SCHIP1: variants seen among roughly 807,000 people sequenced by gnomAD.
SCHIP1 encodes schwannomin interacting protein 1.
A neutral mutation model predicts 29.7 loss-of-function variants in SCHIP1; 8 were observed. That is an observed-to-expected ratio of 0.27 (90% CI 0.16 to 0.49). The LOEUF is 0.49. Among genes scored for constraint, SCHIP1 ranks in the 20% least tolerant of loss-of-function variants. The probability of loss-of-function intolerance (pLI) is 0.99; values close to 1 mark genes in which losing one functional copy is unlikely to be tolerated. For missense variants in SCHIP1, 193 were observed against 294.6 expected (o/e 0.66, Z 2.52); for synonymous variants, 76 against 94.9 (o/e 0.80, Z 1.16).
chr3:159,298,823 T>A, the SCHIP1 span, among the ~76,000 whole-genome samples: 186 of 152,354 alleles, frequency 1.2e-3, no homozygotes, highest in East Asian at 0.019. Context: ...TCAAATTTTT[T>A]AAAATAAACA....
chr3:159,404,572 TG>T, the SCHIP1 span, among the ~76,000 whole-genome samples: 1 of 151,584 alleles, frequency 6.6e-6, no homozygotes, highest in African/African-American at 2.4e-5. Flanking sequence ...GAGGGAAGAG[TG>T]GGAAAGACTT....
chr3:159,677,824 A>G, the SCHIP1 span, among the ~76,000 whole-genome samples: 1 of 152,112 alleles, frequency 6.6e-6, no homozygotes, highest in African/African-American at 2.4e-5. Flanking sequence ...ATGCACATCT[A>G]TAGTTGCTCA....
upstream of SCHIP1, among the ~76,000 whole-genome samples, chr3:159,837,435 A>T (rs1743768124): frequency 6.6e-6 from 1 of 152,184 alleles, no homozygotes; most frequent in South Asian, 2.1e-4. Context: ...AGAATTCCAG[A>T]ACCTTGGCTG....
chr3:159,581,960 T>C, the SCHIP1 span, among the ~76,000 whole-genome samples: 1 of 152,198 alleles, frequency 6.6e-6, no homozygotes, highest in Non-Finnish European at 1.5e-5. Flanking sequence ...CTTTTCCCTA[T>C]ACGAAATCTT....
At chr3:159,710,904 C>T in the SCHIP1 span, among the ~76,000 whole-genome samples, 1 of 152,194 alleles carries the variant, frequency 6.6e-6, no homozygotes, top group South Asian at 2.1e-4. Flanking sequence ...AGAAGTCAGC[C>T]CTTCAGGTAG....
At chr3:159,378,451 T>C in the SCHIP1 span, among the ~76,000 whole-genome samples, 4 of 152,242 alleles carry the variant, frequency 2.6e-5, no homozygotes, top group Non-Finnish European at 5.9e-5. Flanking sequence ...TTGATGTTGT[T>C]GTTGTTTTAA....
chr3:159,767,487 G>A, the SCHIP1 span, among the ~76,000 whole-genome samples: 5 of 152,196 alleles, frequency 3.3e-5, no homozygotes, highest in Non-Finnish European at 7.3e-5. Flanking sequence ...GAGCCGTGTG[G>A]AAGAGAAGGC....
chr3:159,449,030 C>T, the SCHIP1 span, among the ~76,000 whole-genome samples: 2 of 152,178 alleles, frequency 1.3e-5, no homozygotes, highest in Non-Finnish European at 2.9e-5. Flanking sequence ...CTGCTATTCC[C>T]GTCCATGTCT....
chr3:159,578,751 G>C, the SCHIP1 span, among the ~76,000 whole-genome samples: 1 of 146,856 alleles, frequency 6.8e-6, no homozygotes, highest in African/African-American at 2.7e-5. Flanking sequence ...GTGTCTGTCT[G>C]TCTCTCTCTC....
the SCHIP1 span, among the ~76,000 whole-genome samples, chr3:159,671,589 A>G: frequency 2.8e-3 from 433 of 152,182 alleles, no homozygotes; most frequent in African/African-American, 9.9e-3. Context: ...CATAATATGG[A>G]TCAGTTTATT....
the SCHIP1 span, among the ~76,000 whole-genome samples, chr3:159,705,425 C>A: frequency 6.6e-6 from 1 of 152,014 alleles, no homozygotes; most frequent in African/African-American, 2.4e-5. Flanking sequence ...TTTTGAGAAC[C>A]AAAGCACCAT....
chr3:159,460,397 A>C, the SCHIP1 span, among the ~76,000 whole-genome samples: 1 of 152,238 alleles, frequency 6.6e-6, no homozygotes, highest in African/African-American at 2.4e-5. Flanking sequence ...AAAGACCCAC[A>C]GAAAGTGATC....
the SCHIP1 span, among the ~76,000 whole-genome samples, chr3:159,557,525 C>A: frequency 6.6e-6 from 1 of 152,076 alleles, no homozygotes; most frequent in African/African-American, 2.4e-5. Context: ...ATTTAAGAAT[C>A]AAAATTTTGG....
the SCHIP1 span, among the ~76,000 whole-genome samples, chr3:159,635,985 A>G: frequency 6.6e-6 from 1 of 151,782 alleles, no homozygotes; most frequent in Non-Finnish European, 1.5e-5. Context: ...CATGCTAACC[A>G]TTTTTCTTTT....
chr3:159,632,077 A>G, the SCHIP1 span, among the ~76,000 whole-genome samples: 1 of 152,340 alleles, frequency 6.6e-6, no homozygotes, highest in African/African-American at 2.4e-5. Context: ...CTATGTATGA[A>G]GTCCCTTGGG....
chr3:159,567,397 C>T, the SCHIP1 span, among the ~76,000 whole-genome samples: 2 of 152,056 alleles, frequency 1.3e-5, no homozygotes, highest in African/African-American at 2.4e-5. Flanking sequence ...AGAAATACTT[C>T]CTTATATACA....
the SCHIP1 span, among the ~76,000 whole-genome samples, chr3:159,484,935 G>T: frequency 6.6e-6 from 1 of 151,956 alleles, no homozygotes; most frequent in Non-Finnish European, 1.5e-5. Context: ...CTTCTTTTTG[G>T]TTTTTAAAGA....
At chr3:159,505,573 T>C in the SCHIP1 span, among the ~76,000 whole-genome samples, 1 of 152,204 alleles carries the variant, frequency 6.6e-6, no homozygotes, top group African/African-American at 2.4e-5. Context: ...GCTGCACCCA[T>C]TAACTCATCA....
the SCHIP1 span, among the ~76,000 whole-genome samples, chr3:159,684,969 G>A: frequency 1.3e-5 from 2 of 152,006 alleles, no homozygotes; most frequent in Non-Finnish European, 2.9e-5. Flanking sequence ...TGCTTAACCT[G>A]CCAGCCTCCA....
Sources: gnomAD v4.1 joint callset for allele counts (sites outside exome capture counted in the v4.1 genomes callset) on GRCh38, gnomAD v4.1.1 for gene constraint, MANE v1.5 for transcripts, NCBI Gene and HGNC (gene_info 2026-07-23, HGNC 2026-07-21) for gene names.